The following CPOX variants were observed in gnomAD, a reference collection of about 807,000 sequenced individuals.
The protein encoded by CPOX is coproporphyrinogen oxidase.
CPOX carries 24 observed loss-of-function variants against 48.9 expected under a neutral mutation model. The ratio of observed to expected loss-of-function variants is 0.49; its 90% CI spans 0.36 to 0.69. The LOEUF (loss-of-function observed/expected upper bound fraction) is 0.69, where lower values mean the gene tolerates loss of function less well. Ranked by LOEUF, CPOX falls within the 30% of genes least tolerant of loss-of-function variation. The probability of loss-of-function intolerance (pLI) is 0.00; values close to 1 mark genes in which losing one functional copy is unlikely to be tolerated. For missense variants in CPOX, 549 were observed against 597.3 expected, an observed-to-expected ratio of 0.92 and a Z score of 0.84; for synonymous variants, 249 against 234.6, an observed-to-expected ratio of 1.06 and a Z score of -0.56.
the CPOX span, among the ~76,000 whole-genome samples, chr3:98,570,549 G>A: frequency 6.6e-6 from 1 of 152,118 alleles, no homozygotes; most frequent in African/African-American, 2.4e-5. Context: ...ATTTAAATAC[G>A]TGGGAAAAAT....
chr3:98,578,097 G>A (rs899397241), downstream of CPOX: 3 of 189,358 alleles, frequency 1.6e-5, no homozygotes, highest in Non-Finnish European at 2.9e-5. Context: ...ACAGTTAGGT[G>A]TTCAGGCCAT....
rs758923014 is a variant in CPOX at position 98,580,643 on chromosome 3, C to T, written c.*40G>A. The stretch of plus-strand genomic sequence containing the variant: ...GACCAGTGGCATGGGGAGCACACAT[C>T]GTGTGCCCTCCAAACCCCTGCACAG... On this transcript the variant is annotated 3_prime_UTR_variant, in exon 7 of 7. Transcript: ENST00000647941. 12 of 1,612,288 alleles carry T rather than the reference C, an allele frequency of 7.4e-6. No homozygotes were observed. Among genetic ancestry groups the T allele is most frequent in the Middle Eastern group, 1.7e-4 (1 of 6,048 alleles).
downstream of CPOX, among the ~76,000 whole-genome samples, chr3:98,579,006 G>A (rs1206397867): frequency 6.6e-6 from 1 of 152,168 alleles, no homozygotes; most frequent in East Asian, 1.9e-4. Context: ...CTTCTTCGCA[G>A]ATTTTCTTCC....
chr3:98,580,471 T>C lies in CPOX; in HGVS notation c.*212A>G. ...TATAAAATGACACTAGAAGTATAAA[T>C]GAGGTTTAATCAATTGACTCTGACA... On this transcript the variant is annotated 3_prime_UTR_variant, in exon 7 of 7. Coordinates refer to ENST00000647941, the MANE Select transcript of CPOX (RefSeq NM_000097.7). 7.1e-7 allele frequency: 1 copy of C among 1,398,660 alleles called. No homozygotes were observed. The highest frequency in any genetic ancestry group is 9.3e-7 in the Non-Finnish European group (1 of 1,076,942). The allele number at this position is 1,398,660 out of a possible 1,614,324, so 86.6% of individuals were successfully genotyped here. A position where few individuals can be genotyped will look rare whatever the true frequency, so the allele number is the denominator to read the frequency against.
chr3:98,580,567 A>T lies in CPOX; in HGVS notation c.*116T>A, dbSNP rs1369309699. On this transcript the variant is annotated 3_prime_UTR_variant, in exon 7 of 7. Transcript: ENST00000647941. ...ATCATCTGCCCACGAGGTAGGGTGC[A>T]GAGTGGAGAAGACTAAGGCACGGGT... is the stretch of plus-strand genomic sequence containing the variant. The T allele has an allele frequency of 6.4e-7, 1 of 1,565,258 alleles. No individual in the cohort carries two copies. The highest frequency in any genetic ancestry group is 2.3e-5 in the East Asian group (1 of 42,996).
intron 6 of CPOX, 39 bp downstream of exon 6, chr3:98,581,368 G>A (rs780911848): frequency 1.4e-6 from 2 of 1,379,822 alleles, no homozygotes; most frequent in South Asian, 1.2e-5. Flanking sequence ...TGGGAATTGG[G>A]AGTGTAGGGA....
At chr3:98,584,187 A>G (rs1487115125) in intron 5 of CPOX, among the ~76,000 whole-genome samples, 2 of 152,222 alleles carry the variant, frequency 1.3e-5, no homozygotes, top group African/African-American at 2.4e-5. Flanking sequence ...AAACTAGAAT[A>G]CTTTACTTTG....
chr3:98,581,378 A>G (rs769306198), intron 6 of CPOX, 29 bp downstream of exon 6: 13 of 1,489,288 alleles, frequency 8.7e-6, no homozygotes, highest in Non-Finnish European at 1.1e-5. Context: ...GAGTGTAGGG[A>G]TAACTACTAA....
intron 3 of CPOX, among the ~76,000 whole-genome samples, chr3:98,590,272 C>T (rs958082610): frequency 2.6e-5 from 4 of 152,256 alleles, no homozygotes; most frequent in Admixed American, 1.3e-4. Flanking sequence ...CTCAGCTGCC[C>T]GAATAGCTGG....
intron 1 of CPOX, 78 bp from the exon 2 acceptor site, chr3:98,591,233 T>TC: frequency 6.7e-7 from 1 of 1,492,854 alleles, no homozygotes; most frequent in South Asian, 1.1e-5. Context: ...TGAAGATGGT[T>TC]ATTTTCCCGT....
At position 98,590,698 on chromosome 3, in the gene CPOX, G is replaced by A. The variant is rs1707462390; in HGVS notation, c.745C>T (p.Pro249Ser). ...ATAGTAGGAGCATGAGGATTCTTGG[G>A]GTGGATAACAGAGCTCACGCCCATA... is the stretch of plus-strand genomic sequence containing the variant. Reference protein sequence around the residue: ...CAMGVSSVIHPKNPHAPTIHF... With the variant: ...CAMGVSSVIHSKNPHAPTIHF... Residue 249 changes from proline to serine, a missense_variant, in exon 3 of 7, where the codon CCC becomes TCC. Pro to Ser is a moderately conservative substitution (Grantham distance 74). Around this residue, in one of 2 missense-constraint regions of CPOX, gnomAD observed 213 missense variants for 279.1 expected, o/e 0.76. Transcript: ENST00000647941. 2 of 1,613,832 alleles carry A rather than the reference G, an allele frequency of 1.2e-6. No individual in the cohort carries two copies. Among genetic ancestry groups the A allele is most frequent in the Non-Finnish European group, 1.7e-6 (2 of 1,179,958 alleles).
chr3:98,591,966 CATATATATATATATATATGTATATGG>C (rs1435599618), intron 1 of CPOX, among the ~76,000 whole-genome samples: 2 of 145,828 alleles, frequency 1.4e-5, no homozygotes. Flanking sequence ...ATATTCCATC[CATATATATATATATATATGTATATGG>C]ATATATATAT....
In CPOX at chr3:98,581,397, A is replaced by T; in HGVS notation, c.1277+10T>A. ...GTAGGGATAACTACTAAAATGAGTT[A>T]TCTCCTTACCGGGCAGTTAGAGGTA... On this transcript the variant is annotated intron_variant, in intron 6 of 6. Transcript: ENST00000647941. 6.3e-7 allele frequency: 1 copy of T among 1,596,006 alleles called. No homozygotes were observed. The highest frequency in any genetic ancestry group is 8.6e-7 in the Non-Finnish European group (1 of 1,163,794).
Position 98,586,780 on chromosome 3 carries a change from T to A in CPOX, c.954-1121A>T, listed in dbSNP as rs1047491510. On this transcript the variant is annotated intron_variant, in intron 4 of 6. Transcript: ENST00000647941. ...TAACACGGTGAAACCCCGTCTCCAC[T>A]AAAAATACAAAAAATTAGCCAGGCG... Among the ~76,000 whole-genome samples, 25 of 152,118 alleles carry A rather than the reference T, an allele frequency of 1.6e-4. 1 individual carries two copies. Among genetic ancestry groups the A allele is most frequent in the Non-Finnish European group, 2.6e-4 (18 of 67,980 alleles).
chr3:98,586,337 G>A (rs1278311183), intron 4 of CPOX, among the ~76,000 whole-genome samples: 2 of 152,188 alleles, frequency 1.3e-5, no homozygotes, highest in African/African-American at 4.8e-5. Context: ...GTAGGAGGCA[G>A]GAGGACAGGA....
Position 98,593,511 on chromosome 3 carries a change from G to T in CPOX, c.-7C>A. On this transcript the variant is annotated 5_prime_UTR_variant, in exon 1 of 7. Coordinates refer to ENST00000647941, the MANE Select transcript of CPOX (RefSeq NM_000097.7). ...TGCCCAGCTGCAAGGCCATGTTCCCGCACTATCACCTGGAGCAGTGCCTGC... is the reference window on the plus strand; with the variant it reads ...TGCCCAGCTGCAAGGCCATGTTCCCTCACTATCACCTGGAGCAGTGCCTGC... 1 of 1,521,198 alleles carries T rather than the reference G, an allele frequency of 6.6e-7. No individual in the cohort carries two copies. The highest frequency in any genetic ancestry group is 8.8e-7 in the Non-Finnish European group (1 of 1,140,824). The allele number at this position is 1,521,198 out of a possible 1,614,324, so 94.2% of individuals were successfully genotyped here. A position where few individuals can be genotyped will look rare whatever the true frequency, so the allele number is the denominator to read the frequency against.
At position 98,579,478 on chromosome 3, in the gene CPOX, G is replaced by T; in HGVS notation, c.*1205C>A. On this transcript the variant is annotated 3_prime_UTR_variant, in exon 7 of 7. Transcript: ENST00000647941. ...TATTTAATAATAAAATTTATTAGCAGATCTCTTGTAAGACAGTTGAAGAAT... is the reference window on the plus strand; with the variant it reads ...TATTTAATAATAAAATTTATTAGCATATCTCTTGTAAGACAGTTGAAGAAT... The T allele has an allele frequency of 1.2e-6, 1 of 862,640 alleles. No individual in the cohort carries two copies. The highest frequency in any genetic ancestry group is 1.4e-6 in the Non-Finnish European group (1 of 718,524). 53.4% of individuals were successfully genotyped at this position (862,640 alleles called of 1,614,324 possible).
chr3:98,580,793 CA>C, intron 6 of CPOX, 23 bp from the exon 7 acceptor site: 1 of 1,606,360 alleles, frequency 6.2e-7, no homozygotes, highest in Non-Finnish European at 8.5e-7. Flanking sequence ...AAAACAAAAG[CA>C]AAAAACGTCA....
chr3:98,572,488 T>C, the CPOX span, among the ~76,000 whole-genome samples: 1 of 152,216 alleles, frequency 6.6e-6, no homozygotes, highest in African/African-American at 2.4e-5. Context: ...AACTTTTATT[T>C]ATTGATATGT....
Sources: allele counts gnomAD v4.1 joint callset (sites outside exome capture counted in the v4.1 genomes callset), GRCh38; gene constraint gnomAD v4.1.1; regional missense constraint gnomAD v4.1.1; transcripts MANE v1.5; gene names NCBI Gene and HGNC (gene_info 2026-07-23, HGNC 2026-07-21).